Variants in KIAA1549L observed in about 807,000 individuals in gnomAD.
The protein encoded by KIAA1549L is UPF0606 protein KIAA1549L.
In KIAA1549L, 88 loss-of-function variants were observed where a neutral mutation model predicts 160.7. That is an observed-to-expected ratio of 0.55 (90% CI 0.46 to 0.65). The LOEUF (loss-of-function observed/expected upper bound fraction) is 0.65, where lower values mean the gene tolerates loss of function less well. KIAA1549L is among the 30% of genes least tolerant of loss of function. KIAA1549L has a pLI of 0.00. For missense variants in KIAA1549L, 2,258 were observed against 2,437.5 expected, an observed-to-expected ratio of 0.93 and a Z score of 1.55; for synonymous variants, 950 against 976.7, an observed-to-expected ratio of 0.97 and a Z score of 0.51.
intron 1 of KIAA1549L, among the ~76,000 whole-genome samples, chr11:33,515,305 T>C (rs2133113657): frequency 6.6e-6 from 1 of 152,358 alleles, no homozygotes; most frequent in South Asian, 2.1e-4. Context: ...ACCAGTGTTC[T>C]CTGTTTTGGC....
At chr11:33,662,839 A>T (rs1220753120) in intron 20 of KIAA1549L, among the ~76,000 whole-genome samples, 1 of 152,224 alleles carries the variant, frequency 6.6e-6, no homozygotes, top group African/African-American at 2.4e-5. Context: ...ATGAAGAGAA[A>T]GGAACCAAGC....
Position 33,467,675 on chromosome 11 carries a change from A to C in KIAA1549L, c.239-74127A>C, listed in dbSNP as rs527826140. 3.9e-5 allele frequency among the ~76,000 whole-genome samples: 6 copies of C among 152,328 alleles called. 1 individual carries two copies. In the South Asian group the frequency reaches 1.2e-3, roughly 32 times the overall value. Reference sequence around the variant, plus strand: ...TCACCGCTTTCTCTGCCTGGGCAGTATATAGTAGATTCCATTTTTGTTTCT... The same window carrying C: ...TCACCGCTTTCTCTGCCTGGGCAGTCTATAGTAGATTCCATTTTTGTTTCT... On this transcript the variant is annotated intron_variant, in intron 1 of 20. Coordinates refer to ENST00000658780, the MANE Select transcript of KIAA1549L (RefSeq NM_012194.3).
At chr11:33,463,698 A>T (rs973688126) in intron 1 of KIAA1549L, among the ~76,000 whole-genome samples, 1 of 152,188 alleles carries the variant, frequency 6.6e-6, no homozygotes, top group Non-Finnish European at 1.5e-5. Flanking sequence ...GCCTTATGTC[A>T]TTTTAACTTA....
intron 1 of KIAA1549L, chr11:33,403,679 C>T (rs1850586886): frequency 6.6e-6 from 1 of 152,192 alleles, no homozygotes; most frequent in Admixed American, 6.5e-5. Context: ...TACATGACCT[C>T]TCTTCCATAC....
chr11:33,378,450 A>G (rs1484641164), intron 1 of KIAA1549L, among the ~76,000 whole-genome samples: 1 of 152,116 alleles, frequency 6.6e-6, no homozygotes, highest in African/African-American at 2.4e-5. Flanking sequence ...CCTGATTTAG[A>G]GGACTTCTCA....
chr11:33,614,495 C>T (rs1166762865), intron 15 of KIAA1549L, among the ~76,000 whole-genome samples: 12 of 117,748 alleles, frequency 1.0e-4, no homozygotes, highest in African/African-American at 3.6e-4. Flanking sequence ...TGTGGTATGG[C>T]CTGTTCCCTC....
At chr11:33,483,545 A>T (rs920601435) in intron 1 of KIAA1549L, among the ~76,000 whole-genome samples, 1 of 152,086 alleles carries the variant, frequency 6.6e-6, no homozygotes, top group Non-Finnish European at 1.5e-5. Flanking sequence ...AGGCAGGCAT[A>T]TGTTTGCTGC....
chr11:33,587,968 T>C (rs1017731253), intron 11 of KIAA1549L, among the ~76,000 whole-genome samples: 16 of 152,272 alleles, frequency 1.1e-4, no homozygotes, highest in African/African-American at 3.8e-4. Context: ...GGAAGACTCA[T>C]CAAATCGTGG....
At chr11:33,550,625 C>T (rs1428651795) in intron 4 of KIAA1549L, among the ~76,000 whole-genome samples, 1 of 152,092 alleles carries the variant, frequency 6.6e-6, no homozygotes, top group Non-Finnish European at 1.5e-5. Context: ...CAAGGTTCCC[C>T]CACTTAATCT....
At chr11:33,530,436 AATATATATAT>A (rs869093534) in intron 1 of KIAA1549L, among the ~76,000 whole-genome samples, 353 of 11,520 alleles carry the variant, frequency 0.031, no homozygotes, top group East Asian at 0.06. Context: ...AAAAAAAAAA[AATATATATAT>A]ATATATATAT....
intron 8 of KIAA1549L, among the ~76,000 whole-genome samples, chr11:33,566,153 TG>T (rs199787331): frequency 0.013 from 1,981 of 152,324 alleles, 38 homozygotes; most frequent in African/African-American, 0.045. Flanking sequence ...AGAACTTTTT[TG>T]TCCCCTGGAG....
At chr11:33,534,673 G>T (rs1183602518) in intron 1 of KIAA1549L, among the ~76,000 whole-genome samples, 4 of 152,044 alleles carry the variant, frequency 2.6e-5, no homozygotes, top group Non-Finnish European at 5.9e-5. Flanking sequence ...CTCTTGCAAA[G>T]CTCTGTTTTC....
Position 33,543,540 on chromosome 11 carries a change from T to G in KIAA1549L, c.1977T>G (p.Ser659=). The G allele has an allele frequency of 1.9e-6, 3 of 1,614,056 alleles. No homozygotes were observed. The highest frequency in any genetic ancestry group is 2.5e-6 in the Non-Finnish European group (3 of 1,179,898). The stretch of plus-strand genomic sequence containing the variant: ...CTTATGCAGCTGCTGTGGACCATTC[T>G]GGGTTGCCAGCTTCAGCTTCCAAAC... ...PEAYAAAVDH[S]GLPASASKQV... The change falls in exon 2 of 21, where the codon TCT becomes TCG. Residue 659 remains serine (S), a synonymous_variant. Transcript: ENST00000658780.
At chr11:33,489,575 T>G (rs755639328) in intron 1 of KIAA1549L, among the ~76,000 whole-genome samples, 1 of 152,206 alleles carries the variant, frequency 6.6e-6, no homozygotes, top group Non-Finnish European at 1.5e-5. Context: ...TTTTGCTCCA[T>G]GTAGTCATTC....
chr11:33,648,178 T>A (rs1851780788), intron 17 of KIAA1549L, among the ~76,000 whole-genome samples: 1 of 151,822 alleles, frequency 6.6e-6, no homozygotes, highest in Non-Finnish European at 1.5e-5. Flanking sequence ...GTATTTTTAG[T>A]AGAGAGGGGG....
intron 3 of KIAA1549L, among the ~76,000 whole-genome samples, chr11:33,547,235 C>T (rs544757067): frequency 6.6e-6 from 1 of 152,246 alleles, no homozygotes; most frequent in Non-Finnish European, 1.5e-5. Flanking sequence ...CATCCCTTTA[C>T]CAAACTCAGG....
chr11:33,616,848 A>G (rs532591599), intron 15 of KIAA1549L, among the ~76,000 whole-genome samples: 8 of 152,264 alleles, frequency 5.3e-5, no homozygotes, highest in African/African-American at 1.9e-4. Context: ...GACACTACAT[A>G]GGCGGTGTTG....
intron 1 of KIAA1549L, among the ~76,000 whole-genome samples, chr11:33,495,361 G>A (rs981094486): frequency 2.0e-5 from 3 of 150,670 alleles, no homozygotes; most frequent in Non-Finnish European, 4.4e-5. Flanking sequence ...CCACCTATGA[G>A]TGAGAATATG....
At chr11:33,536,369 T>G (rs1458645510) in intron 1 of KIAA1549L, among the ~76,000 whole-genome samples, 1 of 152,180 alleles carries the variant, frequency 6.6e-6, no homozygotes, top group East Asian at 1.9e-4. Context: ...GTCTGGAGGT[T>G]TCCTCATTCA....
Sources: allele counts gnomAD v4.1 joint callset (sites outside exome capture counted in the v4.1 genomes callset), GRCh38; gene constraint gnomAD v4.1.1; transcripts MANE v1.5; gene names NCBI Gene and HGNC (gene_info 2026-07-23, HGNC 2026-07-21).